The following NCF4 variants were observed in gnomAD, a reference collection of about 807,000 sequenced individuals.
NCF4 encodes the protein neutrophil cytosol factor 4.
NCF4 carries 30 observed loss-of-function variants against 41.7 expected under a neutral mutation model. That is an observed-to-expected ratio of 0.72 (90% CI 0.54 to 0.97). The LOEUF (loss-of-function observed/expected upper bound fraction) is 0.97, where lower values mean the gene tolerates loss of function less well. NCF4 is among the 50% of genes least tolerant of loss of function. NCF4 has a pLI of 0.00. For synonymous variants in NCF4, 195 were observed against 175.8 expected (o/e 1.11, Z -0.87); for missense variants, 432 against 460.9 (o/e 0.94, Z 0.57).
chr22:36,863,072 T>C (rs1377312482), intron 1 of NCF4, among the ~76,000 whole-genome samples: 2 of 152,132 alleles, frequency 1.3e-5, no homozygotes, highest in East Asian at 3.9e-4. Flanking sequence ...CGGTTGGGTT[T>C]GCTGCTCTTC....
chr22:36,875,437 T>A (rs1048179031), intron 7 of NCF4, among the ~76,000 whole-genome samples: 4 of 152,216 alleles, frequency 2.6e-5, no homozygotes, highest in African/African-American at 9.7e-5. Context: ...CAGCTTTCTA[T>A]ATAAATCCAG....
At position 36,875,870 on chromosome 22, in the gene NCF4, T is replaced by G. The variant is rs750700271; in HGVS notation, c.758+87T>G. 13 of 1,613,824 alleles carry G rather than the reference T, an allele frequency of 8.1e-6. No individual in the cohort carries two copies. The highest frequency in any genetic ancestry group is 1.0e-5 in the Non-Finnish European group (12 of 1,179,984). On this transcript the variant is annotated intron_variant, in intron 8 of 9. Transcript: ENST00000248899. ...CTCACATCACCTTCTCATGGGTCCC[T>G]CTCCCACTCCAAAGCCCCCAGTGGC...
At chr22:36,864,227 G>T (rs1939864993) in intron 2 of NCF4, 98 bp downstream of exon 2, 1 of 1,046,424 alleles carries the variant, frequency 9.6e-7, no homozygotes, top group African/African-American at 1.6e-5. Flanking sequence ...CCAATTCTCT[G>T]ATCTCTTAAC....
intron 1 of NCF4, among the ~76,000 whole-genome samples, chr22:36,863,228 G>A (rs1005584109): frequency 6.6e-6 from 1 of 152,174 alleles, no homozygotes; most frequent in Non-Finnish European, 1.5e-5. Flanking sequence ...GATGTAGGGT[G>A]AGCAGAGTCC....
chr22:36,877,099 T>A (rs2145729146), intron 9 of NCF4, among the ~76,000 whole-genome samples: 1 of 152,004 alleles, frequency 6.6e-6, no homozygotes, highest in African/African-American at 2.4e-5. Flanking sequence ...ACGAGACATT[T>A]CAGGCTGTGC....
At chr22:36,869,832 A>G (rs1388834419) in intron 4 of NCF4, among the ~76,000 whole-genome samples, 1 of 152,194 alleles carries the variant, frequency 6.6e-6, no homozygotes, top group Non-Finnish European at 1.5e-5. Flanking sequence ...CTCAACTATG[A>G]TATGAGATAA....
chr22:36,866,272 C>T (rs755066810), intron 3 of NCF4, among the ~76,000 whole-genome samples: 1 of 152,098 alleles, frequency 6.6e-6, no homozygotes, highest in Non-Finnish European at 1.5e-5. Context: ...AAATTCCTCT[C>T]GGTGAGGTGG....
In NCF4 at chr22:36,877,606, A is replaced by T. The variant is rs1161682019; in HGVS notation, c.825-22A>T. 3.1e-6 allele frequency: 5 copies of T among 1,613,860 alleles called. No homozygotes were observed. In the East Asian group the frequency reaches 1.1e-4, roughly 36 times the overall value. On this transcript the variant is annotated intron_variant, in intron 9 of 9. Transcript: ENST00000248899. Reference sequence around the variant, plus strand: ...TACCTTACGCTTAGGCCCTTTGATTATCCCTGACTTTTCCCATGCAGGCGG... The same window carrying T: ...TACCTTACGCTTAGGCCCTTTGATTTTCCCTGACTTTTCCCATGCAGGCGG...
Position 36,869,778 on chromosome 22 carries a change from G to A in NCF4, c.343-637G>A, listed in dbSNP as rs566905751. Among the ~76,000 whole-genome samples the A allele has an allele frequency of 2.7e-3, 407 of 152,292 alleles. 1 individual carries two copies. The highest frequency in any genetic ancestry group is 0.01 in the Middle Eastern group (3 of 294). ...AAGTCCGGGCCCTGTCACTTAGCTC[G>A]GCTCCTCTGGGCCAGGTACTTTCCC... On this transcript the variant is annotated intron_variant, in intron 4 of 9. Coordinates refer to ENST00000248899, the MANE Select transcript of NCF4 (RefSeq NM_000631.5).
intron 4 of NCF4, chr22:36,870,191 T>C (rs747335645): frequency 2.7e-5 from 17 of 624,650 alleles, no homozygotes; most frequent in Non-Finnish European, 4.8e-5. Context: ...CTCAAGCCCC[T>C]GGTCCCTCTC....
At chr22:36,862,176 T>C (rs1360050806) in intron 1 of NCF4, among the ~76,000 whole-genome samples, 1 of 152,192 alleles carries the variant, frequency 6.6e-6, no homozygotes, top group African/African-American at 2.4e-5. Flanking sequence ...GAACAGCAGG[T>C]GACCTCTGTT....
At chr22:36,876,877 T>C (rs188599105) in intron 9 of NCF4, among the ~76,000 whole-genome samples, 1 of 152,312 alleles carries the variant, frequency 6.6e-6, no homozygotes, top group Non-Finnish European at 1.5e-5. Context: ...CACTGTGAAA[T>C]TACTGGTAGA....
chr22:36,877,585 T>A, intron 9 of NCF4, 43 bp from the exon 10 acceptor site: 1 of 1,609,016 alleles, frequency 6.2e-7, no homozygotes, highest in Non-Finnish European at 8.5e-7. Context: ...TACCCCTACC[T>A]TACGCTTAGG....
At chr22:36,868,039 C>T (rs1299615437) in intron 4 of NCF4, among the ~76,000 whole-genome samples, 1 of 152,208 alleles carries the variant, frequency 6.6e-6, no homozygotes, top group African/African-American at 2.4e-5. Context: ...CTCTGCATCT[C>T]TATGAGATGG....
intron 6 of NCF4, among the ~76,000 whole-genome samples, chr22:36,871,923 AGAG>A (rs1301969941): frequency 6.6e-6 from 1 of 152,248 alleles, no homozygotes; most frequent in Non-Finnish European, 1.5e-5. Flanking sequence ...GTGCGGAGCC[AGAG>A]GAGAATGCTT....
intron 7 of NCF4, among the ~76,000 whole-genome samples, chr22:36,874,838 ATGAG>A (rs887024995): frequency 1.6e-4 from 24 of 152,202 alleles, no homozygotes; most frequent in African/African-American, 5.1e-4. Context: ...TGATGAATGA[ATGAG>A]TGAGTGAGCG....
intron 6 of NCF4, chr22:36,872,047 CT>C: frequency 1.5e-6 from 1 of 679,886 alleles, no homozygotes; most frequent in Non-Finnish European, 2.7e-6. Flanking sequence ...ACGATGAAGC[CT>C]GGGGACCAGG....
chr22:36,868,183 G>A (rs1311653915), intron 4 of NCF4, among the ~76,000 whole-genome samples: 1 of 152,244 alleles, frequency 6.6e-6, no homozygotes, highest in Non-Finnish European at 1.5e-5. Context: ...CTAGAGACCT[G>A]ATAGTGACCT....
At chr22:36,874,643 G>A (rs1456435566) in intron 7 of NCF4, among the ~76,000 whole-genome samples, 1 of 152,184 alleles carries the variant, frequency 6.6e-6, no homozygotes, top group Non-Finnish European at 1.5e-5. Flanking sequence ...GAAGGTGGGG[G>A]CAGAGGGGCA....
Sources: allele counts gnomAD v4.1 joint callset (sites outside exome capture counted in the v4.1 genomes callset), GRCh38; gene constraint gnomAD v4.1.1; transcripts MANE v1.5; gene names NCBI Gene and HGNC (gene_info 2026-07-23, HGNC 2026-07-21).